Variants in ANO5 observed in about 807,000 individuals in gnomAD.
ANO5 encodes the protein anoctamin 5, also known as anoctamin-5.
Under a neutral mutation model 121.0 loss-of-function variants are expected in ANO5, and 109 were observed. That is an observed-to-expected ratio of 0.90 (90% CI 0.77 to 1.06). The LOEUF (loss-of-function observed/expected upper bound fraction) is 1.06. ANO5 is among the 50% of genes least tolerant of loss of function. ANO5 has a pLI of 0.00. For missense variants in ANO5, 1,064 were observed against 1,078.5 expected (o/e 0.99, Z 0.19); for synonymous variants, 406 against 359.9 (o/e 1.13, Z -1.45).
intron 21 of ANO5, chr11:22,278,090 C>A (rs1854933579): frequency 6.6e-6 from 1 of 151,618 alleles, no homozygotes; most frequent in African/African-American, 2.4e-5. Flanking sequence ...GATATTGCTT[C>A]ATTTTCATTC....
chr11:22,276,324 T>C (rs912052696), intron 21 of ANO5, 125 bp downstream of exon 21: 2 of 810,064 alleles, frequency 2.5e-6, no homozygotes, highest in East Asian at 2.7e-5. Context: ...AGTATTGTAT[T>C]TGTAGTCATA....
chr11:22,198,267 A>G (rs1851867474), intron 1 of ANO5, among the ~76,000 whole-genome samples: 1 of 152,160 alleles, frequency 6.6e-6, no homozygotes, highest in East Asian at 1.9e-4. Flanking sequence ...TCAAGGTGGT[A>G]TGGGAGCAGG....
intron 5 of ANO5, among the ~76,000 whole-genome samples, chr11:22,224,230 T>G (rs1355853866): frequency 6.6e-6 from 1 of 152,074 alleles, no homozygotes; most frequent in Non-Finnish European, 1.5e-5. Context: ...TCTTACAGTT[T>G]TAAAATCATA....
intron 17 of ANO5, 112 bp from the exon 18 acceptor site, chr11:22,270,200 C>A: frequency 7.2e-7 from 1 of 1,380,306 alleles, no homozygotes; most frequent in East Asian, 2.5e-5. Context: ...GCTCTGTGAT[C>A]TTAAGTTATT....
intron 9 of ANO5, among the ~76,000 whole-genome samples, chr11:22,246,751 G>A (rs1457848715): frequency 6.7e-6 from 1 of 150,120 alleles, no homozygotes; most frequent in African/African-American, 2.5e-5. Context: ...AGCTACTTTG[G>A]AGGCTGAGGC....
chr11:22,223,383 G>T (rs961391954), intron 5 of ANO5, among the ~76,000 whole-genome samples: 1 of 152,014 alleles, frequency 6.6e-6, no homozygotes, highest in African/African-American at 2.4e-5. Context: ...CAGCAACAAT[G>T]TATGAAAACA....
intron 7 of ANO5, among the ~76,000 whole-genome samples, chr11:22,231,150 T>A (rs1853027877): frequency 6.6e-6 from 1 of 152,030 alleles, no homozygotes; most frequent in African/African-American, 2.4e-5. Context: ...AATTAAATAA[T>A]TATTTTTCTG....
At chr11:22,260,644 A>G (rs751515313) in intron 15 of ANO5, among the ~76,000 whole-genome samples, 7 of 152,216 alleles carry the variant, frequency 4.6e-5, no homozygotes, top group African/African-American at 7.2e-5. Flanking sequence ...GGGAAAAAAA[A>G]TCAAGTTCAC....
At chr11:22,194,209 G>A (rs1335065905) in intron 1 of ANO5, among the ~76,000 whole-genome samples, 3 of 152,100 alleles carry the variant, frequency 2.0e-5, no homozygotes, top group Non-Finnish European at 4.4e-5. Flanking sequence ...CCTGTATTCC[G>A]TGGACCTATT....
chr11:22,198,297 A>AC (rs1464438817), intron 1 of ANO5, among the ~76,000 whole-genome samples: 1 of 152,096 alleles, frequency 6.6e-6, no homozygotes, highest in African/African-American at 2.4e-5. Context: ...AATCCAGGGG[A>AC]CAGTTGAGGT....
intron 3 of ANO5, among the ~76,000 whole-genome samples, chr11:22,217,770 C>A (rs1026429969): frequency 2.0e-5 from 3 of 149,142 alleles, no homozygotes; most frequent in African/African-American, 7.4e-5. Flanking sequence ...CAAATGGGAT[C>A]TTTTGGAGGG....
At chr11:22,221,300 G>A (rs1227250717) in intron 5 of ANO5, 90 bp downstream of exon 5, 4 of 1,136,358 alleles carry the variant, frequency 3.5e-6, no homozygotes, top group Non-Finnish European at 2.6e-6. Flanking sequence ...TGTTGTAAAA[G>A]TGAGAGGCCC....
Position 22,221,144 on chromosome 11 carries a change from G to A in ANO5, c.228G>A (p.Gly76=), listed in dbSNP as rs746137951. The A allele has an allele frequency of 6.2e-7, 1 of 1,611,858 alleles. No individual in the cohort carries two copies. Among genetic ancestry groups the A allele is most frequent in the Non-Finnish European group, 8.5e-7 (1 of 1,178,736 alleles). Residue 76 remains glycine, a synonymous_variant, in exon 5 of 22, where the codon GGG becomes GGA. Coordinates refer to ENST00000324559, the MANE Select transcript of ANO5 (RefSeq NM_213599.3). ...AAGATTCTATCTTCTTCCGAGATGG[G>A]ATTAGGCAAATTGATTTTGTGCTTT... ...QSKDSIFFRD[G]IRQIDFVLSY...
intron 8 of ANO5, among the ~76,000 whole-genome samples, chr11:22,237,252 G>T (rs1376328578): frequency 6.6e-6 from 1 of 152,150 alleles, no homozygotes; most frequent in African/African-American, 2.4e-5. Flanking sequence ...ATTGAAACAA[G>T]TGGCAGCTAA....
chr11:22,215,898 T>G (rs1852426999), intron 3 of ANO5, among the ~76,000 whole-genome samples: 1 of 151,950 alleles, frequency 6.6e-6, no homozygotes, highest in Non-Finnish European at 1.5e-5. Context: ...CAGTATACAC[T>G]ATTTTGTATA....
chr11:22,231,370 C>T (rs1042516261), intron 7 of ANO5, among the ~76,000 whole-genome samples: 1 of 151,826 alleles, frequency 6.6e-6, no homozygotes, highest in Non-Finnish European at 1.5e-5. Flanking sequence ...GACTGAAGCA[C>T]AGTTTCATCC....
intron 2 of ANO5, 133 bp from the exon 3 acceptor site, chr11:22,211,131 C>T: frequency 1.0e-6 from 1 of 956,058 alleles, no homozygotes; most frequent in Non-Finnish European, 1.7e-6. Flanking sequence ...CACAGTTTTG[C>T]ATATGATTTA....
Position 22,209,081 on chromosome 11 carries a change from A to G in ANO5, c.88-2183A>G, listed in dbSNP as rs142221547. On this transcript the variant is annotated intron_variant, in intron 2 of 21. Coordinates refer to ENST00000324559, the MANE Select transcript of ANO5 (RefSeq NM_213599.3). ...ATGAATGTTTTTAGGCTTTTACAAGACAGAAGTATAAGAATTGTAGGTTCA... is the reference window on the plus strand; with the variant it reads ...ATGAATGTTTTTAGGCTTTTACAAGGCAGAAGTATAAGAATTGTAGGTTCA... Among the ~76,000 whole-genome samples the G allele has an allele frequency of 3.7e-3, 564 of 152,100 alleles. 7 individuals carry two copies. The highest frequency in any genetic ancestry group is 0.013 in the African/African-American group (530 of 41,554).
chr11:22,271,127 A>G (rs542134767), intron 18 of ANO5, among the ~76,000 whole-genome samples: 10 of 152,264 alleles, frequency 6.6e-5, no homozygotes, highest in African/African-American at 1.7e-4. Flanking sequence ...ATCTCGGCTC[A>G]CTGCAGCCTC....
Sources: gnomAD v4.1 joint callset for allele counts (sites outside exome capture counted in the v4.1 genomes callset) on GRCh38, gnomAD v4.1.1 for gene constraint, MANE v1.5 for transcripts, NCBI Gene and HGNC (gene_info 2026-07-23, HGNC 2026-07-21) for gene names.